The following UBR2 variants were observed in gnomAD, a reference collection of about 807,000 sequenced individuals.
UBR2 encodes E3 ubiquitin-protein ligase UBR2.
A neutral mutation model predicts 247.9 loss-of-function variants in UBR2; 92 were observed. That is an observed-to-expected ratio of 0.37 (90% confidence interval 0.31 to 0.44). The LOEUF (loss-of-function observed/expected upper bound fraction) is 0.44. Ranked by LOEUF, UBR2 falls within the 20% of genes least tolerant of loss-of-function variation. The pLI is 1.00. For synonymous variants in UBR2, 672 were observed against 693.5 expected, an observed-to-expected ratio of 0.97 and a Z score of 0.49; for missense variants, 1,613 against 2,112.6, an observed-to-expected ratio of 0.76 and a Z score of 4.64.
Position 42,620,499 on chromosome 6 carries a change from TG to T in UBR2, c.1281+2993del, listed in dbSNP as rs67044555. 4.3e-3 allele frequency: 382 copies of T among 88,316 alleles called. 10 individuals are homozygous for T. The highest frequency in any genetic ancestry group is 0.018 in the Middle Eastern group (3 of 164). The allele number at this position is 88,316 out of a possible 1,614,324, so 5.5% of individuals were successfully genotyped here. ...AAGTGTTGTTTTTTTTTTTTGTTTTTGTTTTTGTTTTTTTTTAAGACAGAGT... is the reference window on the plus strand; with the variant it reads ...AAGTGTTGTTTTTTTTTTTTGTTTTTTTTTTGTTTTTTTTTAAGACAGAGT... On this transcript the variant is annotated intron_variant, in intron 11 of 46. Transcript: ENST00000372901.
At chr6:42,603,448 C>A in intron 4 of UBR2, 140 bp from the exon 5 acceptor site, 1 of 811,744 alleles carries the variant, frequency 1.2e-6, no homozygotes, top group Non-Finnish European at 1.8e-6. Flanking sequence ...TGTATAGGAT[C>A]AAATTCATTG....
intron 44 of UBR2, among the ~76,000 whole-genome samples, chr6:42,686,225 G>GGCCTTC (rs1799385568): frequency 6.6e-6 from 1 of 151,842 alleles, no homozygotes; most frequent in South Asian, 2.1e-4. Flanking sequence ...AGGTCCCTGC[G>GGCCTTC]GCCTTCCGCA....
chr6:42,612,360 T>C (rs1158006357), intron 8 of UBR2, 69 bp downstream of exon 8: 8 of 1,368,594 alleles, frequency 5.8e-6, no homozygotes, highest in South Asian at 2.0e-5. Flanking sequence ...CAAAACTGTT[T>C]TGGGAAAACT....
At chr6:42,670,934 C>G (rs1019276456) in intron 36 of UBR2, among the ~76,000 whole-genome samples, 5 of 152,144 alleles carry the variant, frequency 3.3e-5, no homozygotes, top group African/African-American at 1.2e-4. Flanking sequence ...GCCTGTAATC[C>G]CAGCACTTTG....
At chr6:42,657,992 T>C (rs1168969194) in intron 26 of UBR2, 32 bp from the exon 27 acceptor site, 5 of 1,512,322 alleles carry the variant, frequency 3.3e-6, no homozygotes, top group Non-Finnish European at 3.7e-6. Context: ...GTATTAGCTA[T>C]TGTTATTGTG....
Position 42,662,643 on chromosome 6 carries a change from T to C in UBR2, c.3536+366T>C, listed in dbSNP as rs78855881. On this transcript the variant is annotated intron_variant, in intron 31 of 46. Coordinates refer to ENST00000372901, the MANE Select transcript of UBR2 (RefSeq NM_001363705.2). ...TGATTCCATAGATGTTAGTACTTGC[T>C]TTGTTACTTCCCAAAATTGTAATGG... Among the ~76,000 whole-genome samples the C allele has an allele frequency of 5.0e-4, 76 of 152,346 alleles. 2 individuals carry two copies. The East Asian group carries it at 8.1e-3, about 16-fold the overall frequency.
Position 42,659,544 on chromosome 6 carries a change from C to A in UBR2, c.3243-112C>A, listed in dbSNP as rs955925555. On this transcript the variant is annotated intron_variant, in intron 29 of 46. Transcript: ENST00000372901. The surrounding 1 kb of genome is among the most constrained non-coding windows in gnomAD (Gnocchi z 4.3). Reference sequence around the variant, plus strand: ...ATACACACACACACACACACACACACACACACACACACACACACTACACAC... The same window carrying A: ...ATACACACACACACACACACACACAAACACACACACACACACACTACACAC... 2 of 729,122 alleles carry A rather than the reference C, an allele frequency of 2.7e-6. No individual in the cohort carries two copies. The highest frequency in any genetic ancestry group is 3.6e-5 in the African/African-American group (2 of 55,170). The allele number at this position is 729,122 out of a possible 1,614,324, so 45.2% of individuals were successfully genotyped here. A position where few individuals can be genotyped will look rare whatever the true frequency, so the allele number is the denominator to read the frequency against.
chr6:42,650,337 A>G lies in UBR2; in HGVS notation c.2516A>G (p.Lys839Arg), dbSNP rs986018066. The part of the protein sequence containing the change: ...GMYELKPECA[K>R]EFNLYFYHFS... ...TATGAACTGAAACCAGAATGTGCCAAAGAGTTCAACTTGTATTTCTATCAC... is the reference window on the plus strand; with the variant it reads ...TATGAACTGAAACCAGAATGTGCCAGAGAGTTCAACTTGTATTTCTATCAC... Residue 839 changes from lysine to arginine, a missense_variant, in exon 23 of 47, where the codon AAA (lysine) becomes AGA (arginine). Lys to Arg is a conservative substitution (Grantham distance 26). Coordinates refer to ENST00000372901, the MANE Select transcript of UBR2 (RefSeq NM_001363705.2). 1.9e-6 allele frequency: 3 copies of G among 1,614,118 alleles called. No individual in the cohort carries two copies. Among genetic ancestry groups the G allele is most frequent in the Non-Finnish European group, 2.5e-6 (3 of 1,179,968 alleles).
chr6:42,676,711 C>T, intron 39 of UBR2, 72 bp from the exon 40 acceptor site: 1 of 1,169,290 alleles, frequency 8.6e-7, no homozygotes, highest in Non-Finnish European at 1.3e-6. Flanking sequence ...TATTTGCATG[C>T]TTAATGTCTT....
At position 42,614,205 on chromosome 6, in the gene UBR2, A is replaced by AAAAAAT. The variant is rs1562310782; in HGVS notation, c.986-866_986-865insAAAAAT. 1.1e-3 allele frequency among the ~76,000 whole-genome samples: 30 copies of AAAAAAT among 26,600 alleles called. 2 individuals are homozygous for AAAAAAT. Among genetic ancestry groups the AAAAAAT allele is most frequent in the Admixed American group, 4.2e-3 (8 of 1,894 alleles). 17.5% of individuals were successfully genotyped at this position (26,600 alleles called of 152,430 possible). On this transcript the variant is annotated intron_variant, in intron 8 of 46. Coordinates refer to ENST00000372901, the MANE Select transcript of UBR2 (RefSeq NM_001363705.2). ...AAAAAAAAAAAAAAAAAAAAAAAAA[A>AAAAAAT]CTATATATATATACACACACACACA...
chr6:42,659,581 C>A lies in UBR2; in HGVS notation c.3243-75C>A. The A allele has an allele frequency of 1.7e-6, 2 of 1,158,340 alleles. No individual in the cohort carries two copies. Among genetic ancestry groups the A allele is most frequent in the Non-Finnish European group, 2.5e-6 (2 of 804,990 alleles). 71.8% of individuals were successfully genotyped at this position (1,158,340 alleles called of 1,614,324 possible). A position where few individuals can be genotyped will look rare whatever the true frequency, so the allele number is the denominator to read the frequency against. ...CACACACTACACACACACACACATA[C>A]CTGTAGTCTGCTATTTTGTGATTAT... On this transcript the variant is annotated intron_variant, in intron 29 of 46. Transcript: ENST00000372901. This position sits in a 1 kb window ranked among gnomAD's most constrained non-coding sequence, Gnocchi z 4.3.
At chr6:42,676,707 C>T in intron 39 of UBR2, 76 bp from the exon 40 acceptor site, 1 of 1,121,464 alleles carries the variant, frequency 8.9e-7, no homozygotes, top group South Asian at 1.3e-5. Flanking sequence ...AATATATTTG[C>T]ATGCTTAATG....
At chr6:42,609,647 G>A (rs1260009627) in intron 7 of UBR2, among the ~76,000 whole-genome samples, 1 of 151,988 alleles carries the variant, frequency 6.6e-6, no homozygotes, top group Non-Finnish European at 1.5e-5. Context: ...CATTTTGGGA[G>A]GCCAAGGCAG....
intron 38 of UBR2, among the ~76,000 whole-genome samples, chr6:42,674,823 G>A (rs945896493): frequency 3.3e-5 from 5 of 151,312 alleles, no homozygotes; most frequent in Admixed American, 6.6e-5. Flanking sequence ...GTACATTTTC[G>A]AAAATCTGGC....
chr6:42,603,116 G>A (rs1415411049), intron 4 of UBR2, among the ~76,000 whole-genome samples: 1 of 152,096 alleles, frequency 6.6e-6, no homozygotes, highest in African/African-American at 2.4e-5. Flanking sequence ...TACAACATCA[G>A]TGGGCAGTTT....
intron 4 of UBR2, among the ~76,000 whole-genome samples, chr6:42,601,029 T>C (rs1415308717): frequency 2.0e-5 from 3 of 152,210 alleles, no homozygotes; most frequent in African/African-American, 7.2e-5. Flanking sequence ...TTTTGTAAAA[T>C]AGAGTTTGGA....
At position 42,574,345 on chromosome 6, in the gene UBR2, C is replaced by T. The variant is rs569630271; in HGVS notation, c.338+352C>T. Among the ~76,000 whole-genome samples, 17 of 152,256 alleles carry T rather than the reference C, an allele frequency of 1.1e-4. 1 individual carries two copies. In the South Asian group the frequency reaches 3.3e-3, roughly 30 times the overall value. On this transcript the variant is annotated intron_variant, in intron 2 of 46. Transcript: ENST00000372901. The stretch of plus-strand genomic sequence containing the variant: ...CCATAGATTTGGCTAGTGAGAGCCC[C>T]GTCACACCATCTTGTCTTTTTCACA...
intron 44 of UBR2, among the ~76,000 whole-genome samples, chr6:42,687,781 T>C (rs756400621): frequency 6.6e-6 from 1 of 152,118 alleles, no homozygotes; most frequent in African/African-American, 2.4e-5. Context: ...CCTCAGTTGA[T>C]CCACCCACCT....
chr6:42,636,957 A>G (rs1796137079), intron 14 of UBR2, 54 bp from the exon 15 acceptor site: 7 of 1,564,274 alleles, frequency 4.5e-6, no homozygotes, highest in African/African-American at 1.4e-5. Flanking sequence ...TGCTTATTCA[A>G]TGTTGTAAAA....
Sources: allele counts gnomAD v4.1 joint callset (sites outside exome capture counted in the v4.1 genomes callset), GRCh38; gene constraint gnomAD v4.1.1; non-coding constraint Gnocchi (gnomAD v3.1); transcripts MANE v1.5; gene names NCBI Gene and HGNC (gene_info 2026-07-23, HGNC 2026-07-21).